RALGAPA1: variants seen among roughly 807,000 people sequenced by gnomAD.
RALGAPA1 encodes the protein Ral GTPase activating protein catalytic subunit alpha 1.
In RALGAPA1, 52 loss-of-function variants were observed where a neutral mutation model predicts 269.6. The observed-to-expected ratio is 0.19, with a 90% CI of 0.15 to 0.24. The LOEUF (loss-of-function observed/expected upper bound fraction) is 0.24, where lower values mean the gene tolerates loss of function less well. Ranked by LOEUF, RALGAPA1 falls within the 10% of genes least tolerant of loss-of-function variation. The probability of loss-of-function intolerance (pLI) is 1.00; values close to 1 mark genes in which losing one functional copy is unlikely to be tolerated. For synonymous variants in RALGAPA1, 817 were observed against 1,008.3 expected, an observed-to-expected ratio of 0.81 and a Z score of 3.60; for missense variants, 1,917 against 3,013.9, an observed-to-expected ratio of 0.64 and a Z score of 8.52.
chr14:35,808,705 G>A, intron 1 of RALGAPA1, 25 bp downstream of exon 1: 1 of 1,599,866 alleles, frequency 6.3e-7, no homozygotes, highest in Non-Finnish European at 8.5e-7. Flanking sequence ...CCCAGGCCTC[G>A]GCGCTGCCAC....
intron 16 of RALGAPA1, among the ~76,000 whole-genome samples, chr14:35,714,090 G>A (rs1595275631): frequency 2.7e-5 from 4 of 145,848 alleles, no homozygotes; most frequent in Admixed American, 6.8e-5. Flanking sequence ...GCAAGACTCC[G>A]TCTAAAAAAA....
chr14:35,581,302 C>T (rs940967905), intron 37 of RALGAPA1, among the ~76,000 whole-genome samples: 8 of 151,946 alleles, frequency 5.3e-5, no homozygotes, highest in East Asian at 3.8e-4. Flanking sequence ...TATAGGGAAA[C>T]GGGAAACATC....
chr14:35,704,041 T>C (rs2067588353), intron 16 of RALGAPA1, among the ~76,000 whole-genome samples: 1 of 152,118 alleles, frequency 6.6e-6, no homozygotes, highest in East Asian at 1.9e-4. Context: ...ATTTTCTCAT[T>C]TCCAAAATAT....
chr14:35,756,373 A>C (rs565772987), intron 7 of RALGAPA1: 1 of 152,714 alleles, frequency 6.5e-6, no homozygotes, highest in African/African-American at 2.4e-5. Flanking sequence ...GTCTGCTGCT[A>C]AGGTTTCCAC....
intron 1 of RALGAPA1, among the ~76,000 whole-genome samples, chr14:35,795,094 T>C (rs1004207043): frequency 4.6e-5 from 7 of 152,204 alleles, no homozygotes; most frequent in Non-Finnish European, 1.5e-5. Flanking sequence ...GTTATTTTAA[T>C]TGTTTCAGCA....
intron 36 of RALGAPA1, among the ~76,000 whole-genome samples, chr14:35,603,162 A>G (rs1223258930): frequency 1.3e-5 from 2 of 152,106 alleles, no homozygotes; most frequent in African/African-American, 4.8e-5. Context: ...CTGCCCCAGG[A>G]TCTATCCACA....
chr14:35,541,252 G>A (rs1345527800), intron 41 of RALGAPA1, among the ~76,000 whole-genome samples: 1 of 151,654 alleles, frequency 6.6e-6, no homozygotes, highest in African/African-American at 2.4e-5. Context: ...TCACCATGTT[G>A]GCCAGGATGG....
At chr14:35,550,786 C>T (rs1018931990) in intron 39 of RALGAPA1, among the ~76,000 whole-genome samples, 1 of 152,070 alleles carries the variant, frequency 6.6e-6, no homozygotes, top group African/African-American at 2.4e-5. Flanking sequence ...CCATTCTGTA[C>T]ACTGGGGGTG....
chr14:35,677,832 A>G (rs1033104163), intron 22 of RALGAPA1, 118 bp downstream of exon 22: 4 of 973,304 alleles, frequency 4.1e-6, no homozygotes, highest in Non-Finnish European at 6.0e-6. Context: ...AAGGACTTAG[A>G]AAAGTCCAAA....
At chr14:35,632,156 G>C (rs1041792117) in intron 33 of RALGAPA1, among the ~76,000 whole-genome samples, 1 of 151,890 alleles carries the variant, frequency 6.6e-6, no homozygotes, top group Non-Finnish European at 1.5e-5. Flanking sequence ...TTGTTTATTG[G>C]GCAATAAATT....
At chr14:35,741,147 A>G (rs2071509887) in intron 11 of RALGAPA1, among the ~76,000 whole-genome samples, 2 of 152,220 alleles carry the variant, frequency 1.3e-5, no homozygotes, top group South Asian at 4.1e-4. Context: ...TCAATTATGT[A>G]TGTAGATAGT....
At chr14:35,714,172 G>T (rs2068605342) in intron 16 of RALGAPA1, among the ~76,000 whole-genome samples, 1 of 151,996 alleles carries the variant, frequency 6.6e-6, no homozygotes, top group Non-Finnish European at 1.5e-5. Context: ...GGATTGCTGG[G>T]TCATATAATT....
At chr14:35,555,216 T>C (rs559851706) in intron 39 of RALGAPA1, among the ~76,000 whole-genome samples, 27 of 152,318 alleles carry the variant, frequency 1.8e-4, no homozygotes, top group African/African-American at 6.5e-4. Context: ...ATCCTCATAA[T>C]CTTAAAGAAG....
intron 17 of RALGAPA1, among the ~76,000 whole-genome samples, chr14:35,690,649 C>T (rs1051905465): frequency 1.4e-4 from 22 of 152,120 alleles, no homozygotes; most frequent in Admixed American, 1.0e-3. Flanking sequence ...CAATTGTATT[C>T]TTTTGTTTTT....
chr14:35,669,850 G>A (rs74747385), intron 26 of RALGAPA1, among the ~76,000 whole-genome samples: 92 of 152,192 alleles, frequency 6.0e-4, no homozygotes, highest in African/African-American at 2.1e-3. Context: ...CATTCTGTAC[G>A]CAAGGGGAGG....
intron 35 of RALGAPA1, among the ~76,000 whole-genome samples, chr14:35,623,147 A>T (rs533240920): frequency 2.6e-5 from 4 of 152,206 alleles, no homozygotes; most frequent in Admixed American, 2.6e-4. Flanking sequence ...AACTGATTTC[A>T]AGACAGAACT....
chr14:35,687,759 T>G (rs959183635), intron 18 of RALGAPA1, among the ~76,000 whole-genome samples: 5 of 152,204 alleles, frequency 3.3e-5, no homozygotes, highest in African/African-American at 9.6e-5. Flanking sequence ...GAAACCTTTA[T>G]GCACATTTAA....
intron 12 of RALGAPA1, among the ~76,000 whole-genome samples, chr14:35,735,483 C>G (rs2070894221): frequency 6.6e-6 from 1 of 152,176 alleles, no homozygotes; most frequent in Admixed American, 6.5e-5. Flanking sequence ...ATCATATGTT[C>G]TCACTGATAT....
chr14:35,741,855 T>C (rs1436241507), intron 11 of RALGAPA1, among the ~76,000 whole-genome samples: 1 of 152,216 alleles, frequency 6.6e-6, no homozygotes, highest in East Asian at 1.9e-4. Flanking sequence ...GAGTAAACTC[T>C]AGTCTTTCTT....
Sources: gnomAD v4.1 joint callset for allele counts (sites outside exome capture counted in the v4.1 genomes callset) on GRCh38, gnomAD v4.1.1 for gene constraint, MANE v1.5 for transcripts, NCBI Gene and HGNC (gene_info 2026-07-23, HGNC 2026-07-21) for gene names.